The following TLK1 variants were observed in gnomAD, a reference collection of about 807,000 sequenced individuals.
The protein encoded by TLK1 is tousled like kinase 1.
TLK1 carries 24 observed loss-of-function variants against 105.3 expected under a neutral mutation model. The ratio of observed to expected loss-of-function variants is 0.23; its 90% CI spans 0.17 to 0.32. The LOEUF is 0.32. TLK1 is among the 10% of genes least tolerant of loss of function. The pLI, the probability that TLK1 is intolerant of heterozygous loss-of-function variation, is 1.00. For synonymous variants in TLK1, 321 were observed against 310.4 expected (o/e 1.03, Z -0.36); for missense variants, 558 against 910.5 (o/e 0.61, Z 4.98).
chr2:171,045,263 C>T (rs532863934), intron 11 of TLK1: 1 of 140,042 alleles, frequency 7.1e-6, no homozygotes, highest in Admixed American at 7.4e-5. Flanking sequence ...AAGTCTCACT[C>T]TTGTCCCCCA....
chr2:171,060,979 C>T, intron 4 of TLK1, 102 bp downstream of exon 4: 5 of 1,194,356 alleles, frequency 4.2e-6, no homozygotes, highest in Non-Finnish European at 3.5e-6. Flanking sequence ...CCAAAATTTA[C>T]AACTTCATAT....
intron 1 of TLK1, among the ~76,000 whole-genome samples, chr2:171,198,633 G>A (rs1321346399): frequency 2.0e-5 from 3 of 152,200 alleles, no homozygotes; most frequent in African/African-American, 4.8e-5. Context: ...GCAGTGATGA[G>A]AGTGGGAAGT....
chr2:171,200,975 G>A (rs1231346678), intron 1 of TLK1, among the ~76,000 whole-genome samples: 4 of 150,598 alleles, frequency 2.7e-5, no homozygotes, highest in African/African-American at 4.9e-5. Context: ...TCCACCTCCC[G>A]GGTTCAAACC....
chr2:171,046,064 G>T, intron 11 of TLK1, 110 bp downstream of exon 11: 5 of 966,832 alleles, frequency 5.2e-6, no homozygotes, highest in Non-Finnish European at 4.4e-6. Flanking sequence ...TTCCTTCCTG[G>T]TCTTAATCAT....
At position 171,186,918 on chromosome 2, in the gene TLK1, C is replaced by T. The variant is rs192497228; in HGVS notation, c.-6+44227G>A. On this transcript the variant is annotated intron_variant, in intron 1 of 20. Transcript: ENST00000521943. ...ACTAAAAATACAAAAATTGGCTGGG[C>T]GTGGTGGCGGTTGCCTGTAATCCCA... Among the ~76,000 whole-genome samples the T allele has an allele frequency of 1.7e-4, 26 of 151,364 alleles. 1 individual carries two copies. Among genetic ancestry groups the T allele is most frequent in the Admixed American group, 1.6e-3 (24 of 15,230 alleles).
chr2:171,202,963 GT>G, intron 1 of TLK1, among the ~76,000 whole-genome samples: 1 of 151,996 alleles, frequency 6.6e-6, no homozygotes, highest in South Asian at 2.1e-4. Context: ...GGGTCCATAT[GT>G]TTTTGGAAAT....
chr2:171,103,264 T>TTATATATATATATATA lies in TLK1; in HGVS notation c.258+14459_258+14474dup, dbSNP rs571890429. 2.7e-3 allele frequency among the ~76,000 whole-genome samples: 370 copies of TTATATATATATATATA among 136,492 alleles called. 13 individuals carry two copies. Among genetic ancestry groups the TTATATATATATATATA allele is most frequent in the African/African-American group, 0.011 (342 of 32,522 alleles). 89.5% of individuals were successfully genotyped at this position (136,492 alleles called of 152,430 possible). A position where few individuals can be genotyped will look rare whatever the true frequency, so the allele number is the denominator to read the frequency against. On this transcript the variant is annotated intron_variant, in intron 2 of 20. Coordinates refer to ENST00000431350, the MANE Select transcript of TLK1 (RefSeq NM_012290.5). The stretch of plus-strand genomic sequence containing the variant: ...GTTAAGAAAAAAATTGATCTCAAAT[T>TTATATATATATATATA]TATATATATATATATATAATTTTTT...
At chr2:171,115,166 A>ATTTTTT (rs1158569803) in intron 2 of TLK1, among the ~76,000 whole-genome samples, 2 of 103,774 alleles carry the variant, frequency 1.9e-5, no homozygotes, top group African/African-American at 9.7e-5. Flanking sequence ...TCTTTTAAGA[A>ATTTTTT]TTTCTTTCTT....
intron 1 of TLK1, among the ~76,000 whole-genome samples, chr2:171,121,727 C>A (rs1277586759): frequency 2.0e-5 from 3 of 152,100 alleles, no homozygotes; most frequent in Non-Finnish European, 4.4e-5. Flanking sequence ...CTGAAATTTA[C>A]CATGGAAGAT....
At chr2:171,004,151 C>T (rs1267041981) in intron 18 of TLK1, among the ~76,000 whole-genome samples, 1 of 151,968 alleles carries the variant, frequency 6.6e-6, no homozygotes, top group African/African-American at 2.4e-5. Context: ...TTAGCAGAGA[C>T]GAGGTTTCAC....
intron 1 of TLK1, among the ~76,000 whole-genome samples, chr2:171,131,096 GATCTATAT>G (rs974704782): frequency 1.3e-5 from 2 of 150,278 alleles, no homozygotes; most frequent in Non-Finnish European, 3.0e-5. Flanking sequence ...TAGATGCAGA[GATCTATAT>G]ATCTATATAT....
intron 4 of TLK1, chr2:171,060,046 A>AG: frequency 4.4e-6 from 7 of 1,603,872 alleles, no homozygotes; most frequent in Admixed American, 1.7e-5. Flanking sequence ...CTCCAAAGGA[A>AG]GGGGGGAAAA....
chr2:171,074,792 A>G lies in TLK1; in HGVS notation c.330+7989T>C, dbSNP rs187493122. On this transcript the variant is annotated intron_variant, in intron 3 of 20. Transcript: ENST00000431350. Reference sequence around the variant, plus strand: ...CACAAACATCATTTATCACACTAACATATTTTAGAAAATAATTTAGACAGC... The same window carrying G: ...CACAAACATCATTTATCACACTAACGTATTTTAGAAAATAATTTAGACAGC... Among the ~76,000 whole-genome samples the G allele has an allele frequency of 3.5e-3, 537 of 152,290 alleles. 6 individuals are homozygous for G. The highest frequency in any genetic ancestry group is 0.012 in the African/African-American group (494 of 41,584).
chr2:171,220,515 T>TGTGGGGA (rs1693789217), intron 1 of TLK1, among the ~76,000 whole-genome samples: 1 of 152,164 alleles, frequency 6.6e-6, no homozygotes, highest in Non-Finnish European at 1.5e-5. Context: ...GTGGGGACAC[T>TGTGGGGA]CAAGCAGCCT....
At chr2:171,221,985 G>A (rs116072734) in intron 1 of TLK1, among the ~76,000 whole-genome samples, 3,156 of 152,262 alleles carry the variant, frequency 0.021, 102 homozygotes, top group African/African-American at 0.071. Flanking sequence ...ATACCCATGC[G>A]TTCCTCAACA....
At chr2:171,101,308 T>G (rs2105505307) in intron 2 of TLK1, among the ~76,000 whole-genome samples, 1 of 127,928 alleles carries the variant, frequency 7.8e-6, no homozygotes, top group African/African-American at 3.2e-5. Context: ...ATAGCGCCAC[T>G]GCACTCCAGC....
intron 4 of TLK1, among the ~76,000 whole-genome samples, chr2:171,060,658 G>T (rs1380346375): frequency 6.6e-6 from 1 of 152,020 alleles, no homozygotes; most frequent in African/African-American, 2.4e-5. Context: ...CAAAAAGTAG[G>T]TATGCAAGAA....
intron 1 of TLK1, among the ~76,000 whole-genome samples, chr2:171,181,717 C>T (rs1269762734): frequency 6.6e-6 from 1 of 152,170 alleles, no homozygotes; most frequent in Non-Finnish European, 1.5e-5. Context: ...TAACCTATTC[C>T]TCTCTAAACT....
At chr2:171,128,553 T>A (rs1374037500) in intron 1 of TLK1, among the ~76,000 whole-genome samples, 1 of 152,180 alleles carries the variant, frequency 6.6e-6, no homozygotes, top group Non-Finnish European at 1.5e-5. Flanking sequence ...TATAATGTAA[T>A]AAGCCCCCTT....
Sources: allele counts gnomAD v4.1 joint callset (sites outside exome capture counted in the v4.1 genomes callset), GRCh38; gene constraint gnomAD v4.1.1; transcripts MANE v1.5; gene names NCBI Gene and HGNC (gene_info 2026-07-23, HGNC 2026-07-21).